Variants in NR3C2 observed in about 807,000 individuals in gnomAD.
NR3C2 encodes mineralocorticoid receptor.
A neutral mutation model predicts 86.4 loss-of-function variants in NR3C2; 15 were observed. The ratio of observed to expected loss-of-function variants is 0.17; its 90% CI spans 0.12 to 0.27. NR3C2 has a LOEUF of 0.27. NR3C2 is among the 10% of genes least tolerant of loss of function. The pLI is 1.00. For synonymous variants in NR3C2, 458 were observed against 450.5 expected, an observed-to-expected ratio of 1.02 and a Z score of -0.21; for missense variants, 960 against 1,195.6, an observed-to-expected ratio of 0.80 and a Z score of 2.91.
intron 3 of NR3C2, among the ~76,000 whole-genome samples, chr4:148,198,875 T>A (rs1232189303): frequency 6.6e-6 from 1 of 150,976 alleles, no homozygotes; most frequent in Non-Finnish European, 1.5e-5. Context: ...GATCAGGTGA[T>A]CGAGACTATC....
intron 2 of NR3C2, among the ~76,000 whole-genome samples, chr4:148,402,835 T>A (rs1748236744): frequency 6.6e-6 from 1 of 151,988 alleles, no homozygotes; most frequent in Non-Finnish European, 1.5e-5. Context: ...CCACCTGACA[T>A]GAAAATAAGT....
At chr4:148,389,829 C>T (rs1747450656) in intron 2 of NR3C2, among the ~76,000 whole-genome samples, 1 of 151,232 alleles carries the variant, frequency 6.6e-6, no homozygotes, top group African/African-American at 2.4e-5. Context: ...GCATTAAGGA[C>T]AAAAATATTA....
intron 2 of NR3C2, among the ~76,000 whole-genome samples, chr4:148,359,059 T>A (rs920543391): frequency 7.2e-5 from 11 of 151,998 alleles, no homozygotes; most frequent in African/African-American, 2.2e-4. Flanking sequence ...AAAGAAAAAA[T>A]TCATGCTTGA....
chr4:148,211,263 C>T (rs1737268138), intron 3 of NR3C2, among the ~76,000 whole-genome samples: 1 of 152,084 alleles, frequency 6.6e-6, no homozygotes, highest in Non-Finnish European at 1.5e-5. Context: ...TAAATAAAAC[C>T]CGAAAAATAT....
chr4:148,373,853 G>A (rs184361169), intron 2 of NR3C2, among the ~76,000 whole-genome samples: 35 of 152,204 alleles, frequency 2.3e-4, no homozygotes, highest in Admixed American at 7.9e-4. Flanking sequence ...CAGTTAATAG[G>A]ATATATCTGT....
At chr4:148,224,271 T>C (rs985193792) in intron 3 of NR3C2, among the ~76,000 whole-genome samples, 7 of 152,048 alleles carry the variant, frequency 4.6e-5, no homozygotes, top group East Asian at 1.9e-4. Context: ...AAGAGAAAAA[T>C]TGAATTTTAA....
chr4:148,082,682 T>TTTTTC (rs1553982886), intron 8 of NR3C2, among the ~76,000 whole-genome samples: 2 of 150,068 alleles, frequency 1.3e-5, no homozygotes, highest in East Asian at 2.0e-4. Context: ...TTTTTTTTTT[T>TTTTTC]CATACCCCAG....
intron 3 of NR3C2, among the ~76,000 whole-genome samples, chr4:148,237,452 T>C (rs1738800596): frequency 6.6e-6 from 1 of 152,158 alleles, no homozygotes; most frequent in Non-Finnish European, 1.5e-5. Context: ...TAATTAAAAT[T>C]CTCAGCAGTA....
At chr4:148,375,953 T>C (rs896840861) in intron 2 of NR3C2, among the ~76,000 whole-genome samples, 2 of 152,092 alleles carry the variant, frequency 1.3e-5, no homozygotes, top group Non-Finnish European at 2.9e-5. Flanking sequence ...AATTAGGAAG[T>C]CACCAATACA....
At chr4:148,323,564 C>A (rs997126237) in intron 2 of NR3C2, among the ~76,000 whole-genome samples, 1 of 151,722 alleles carries the variant, frequency 6.6e-6, no homozygotes, top group African/African-American at 2.4e-5. Flanking sequence ...GAGCCAGGTG[C>A]GGGACATAAT....
chr4:148,243,028 T>TG (rs1291651509), intron 3 of NR3C2, among the ~76,000 whole-genome samples: 3 of 151,746 alleles, frequency 2.0e-5, no homozygotes, highest in Admixed American at 2.0e-4. Context: ...TTCAGGTTTT[T>TG]TTTTTTTTTT....
chr4:148,154,716 G>A lies in NR3C2; in HGVS notation c.2200C>T (p.Leu734Phe). The change falls in exon 5 of 9, where the codon CTC becomes TTC. Residue 734 changes from leucine (L) to phenylalanine (F), a missense_variant. This residue lies in a region of NR3C2 where 82 missense variants were observed against 73.0 expected (regional missense o/e 1.12). Transcript: ENST00000358102. ...AGGACCATAACGGGGGAAGGTGTGA[G>A]CGCTCGTGAGATTGTGGAGAGCTGA... ...VPQLSTISRA[L>F]TPSPVMVLEN... 6.2e-7 allele frequency: 1 copy of A among 1,613,872 alleles called. No homozygotes were observed. Among genetic ancestry groups the A allele is most frequent in the Non-Finnish European group, 8.5e-7 (1 of 1,180,012 alleles).
intron 2 of NR3C2, among the ~76,000 whole-genome samples, chr4:148,343,401 C>G (rs1334928631): frequency 6.6e-6 from 1 of 151,548 alleles, no homozygotes; most frequent in Non-Finnish European, 1.5e-5. Flanking sequence ...GGATATCCGC[C>G]CCCCCGACCC....
chr4:148,362,212 A>G (rs1426112051), intron 2 of NR3C2, among the ~76,000 whole-genome samples: 2 of 152,206 alleles, frequency 1.3e-5, no homozygotes, highest in African/African-American at 2.4e-5. Context: ...GGCTGTTTGC[A>G]TTATTTCCTT....
chr4:148,200,354 C>A (rs1736660060), intron 3 of NR3C2, among the ~76,000 whole-genome samples: 1 of 151,924 alleles, frequency 6.6e-6, no homozygotes, highest in Admixed American at 6.6e-5. Context: ...TCCCCACCCC[C>A]CACACAGCCC....
Position 148,080,303 on chromosome 4 carries a change from C to T in NR3C2, c.*1041G>A, listed in dbSNP as rs1730483707. 6.6e-6 allele frequency: 1 copy of T among 152,618 alleles called. No individual in the cohort carries two copies. Among genetic ancestry groups the T allele is most frequent in the Admixed American group, 6.5e-5 (1 of 15,282 alleles). The allele number at this position is 152,618 out of a possible 1,614,324, so 9.5% of individuals were successfully genotyped here. On this transcript the variant is annotated 3_prime_UTR_variant, in exon 9 of 9. Coordinates refer to ENST00000358102, the MANE Select transcript of NR3C2 (RefSeq NM_000901.5). ...AAGTACAGAAAAAGTAGAAAGGTTT[C>T]AAGACAACCGAAGAGGTTTCAGTGT...
intron 2 of NR3C2, among the ~76,000 whole-genome samples, chr4:148,377,479 G>A (rs1325509474): frequency 2.6e-5 from 4 of 152,308 alleles, no homozygotes; most frequent in Non-Finnish European, 5.9e-5. Flanking sequence ...TTGGCTCAGT[G>A]GCAGAGGGGG....
At chr4:148,207,874 G>C (rs748058568) in intron 3 of NR3C2, 12 of 152,114 alleles carry the variant, frequency 7.9e-5, no homozygotes, top group Non-Finnish European at 1.0e-4. Context: ...GGCACACTAG[G>C]AGATTAATAA....
At chr4:148,308,923 C>A (rs1267107616) in intron 2 of NR3C2, among the ~76,000 whole-genome samples, 2 of 152,084 alleles carry the variant, frequency 1.3e-5, no homozygotes, top group African/African-American at 4.8e-5. Flanking sequence ...GTGGAGGTTG[C>A]AGTGAGCTGT....
Sources: gnomAD v4.1 joint callset for allele counts (sites outside exome capture counted in the v4.1 genomes callset) on GRCh38, gnomAD v4.1.1 for gene constraint, gnomAD v4.1.1 regional missense constraint, MANE v1.5 for transcripts, NCBI Gene and HGNC (gene_info 2026-07-23, HGNC 2026-07-21) for gene names.